The following PPOX variants were observed in gnomAD, a reference collection of about 807,000 sequenced individuals.
The protein encoded by PPOX is protoporphyrinogen oxidase, also known as variegate porphyria.
PPOX carries 23 observed loss-of-function variants against 54.1 expected under a neutral mutation model. The observed-to-expected ratio is 0.43, with a 90% CI of 0.31 to 0.60. PPOX has a LOEUF of 0.60. Among genes scored for constraint, PPOX ranks in the 20% least tolerant of loss-of-function variants. The pLI is 0.13. For missense variants in PPOX, 512 were observed against 601.1 expected (o/e 0.85, Z 1.55); for synonymous variants, 224 against 236.1 (o/e 0.95, Z 0.47).
downstream of PPOX, chr1:161,172,324 G>C (rs772007951): frequency 6.2e-7 from 1 of 1,613,638 alleles, no homozygotes; most frequent in African/African-American, 1.3e-5. Flanking sequence ...ATCCCAGCCA[G>C]GCGCACCCTA....
chr1:161,168,827 TA>T (rs1434867630), intron 6 of PPOX, among the ~76,000 whole-genome samples, 165 bp from the exon 7 acceptor site: 1 of 152,176 alleles, frequency 6.6e-6, no homozygotes, highest in African/African-American at 2.4e-5. Context: ...CACTCCCAGC[TA>T]ATCTTTGTAT....
chr1:161,172,222 C>T (rs766980374), downstream of PPOX: 2 of 1,613,846 alleles, frequency 1.2e-6, no homozygotes, highest in Admixed American at 3.3e-5. Context: ...CTTCCTTCTT[C>T]CTACCTGTGG....
downstream of PPOX, chr1:161,175,944 GC>G: frequency 6.2e-7 from 1 of 1,614,116 alleles, no homozygotes; most frequent in Non-Finnish European, 8.5e-7. Context: ...CCTGATCTCG[GC>G]CAAATAGGGC....
downstream of PPOX, chr1:161,177,977 A>T (rs1664151703): frequency 6.6e-6 from 1 of 152,240 alleles, no homozygotes; most frequent in South Asian, 2.1e-4. Flanking sequence ...GCCTGGAAAT[A>T]AAAAGCGATT....
chr1:161,169,179 G>A lies in PPOX; in HGVS notation c.803G>A (p.Trp268Ter), dbSNP rs1340140983. ...CTCAGCCTCCAGGCAGAAGGGCGCT[G>A]GAAGGTAGGGGAACCCCTGGAGTGT... is the stretch of plus-strand genomic sequence containing the variant. ...CGLSLQAEGR[W>*]KVSLRDSSLE... Residue 268 changes from tryptophan to a stop codon, truncating the protein, a stop_gained, in exon 7 of 13, where the codon TGG becomes TAG. Transcript: ENST00000367999. LOFTEE classifies it high-confidence loss of function. 1.9e-6 allele frequency: 3 copies of A among 1,613,556 alleles called. No individual in the cohort carries two copies. The highest frequency in any genetic ancestry group is 2.5e-6 in the Non-Finnish European group (3 of 1,180,016).
chr1:161,168,308 G>A (rs1036261591), intron 5 of PPOX, 124 bp from the exon 6 acceptor site: 18 of 1,555,954 alleles, frequency 1.2e-5, no homozygotes, highest in Middle Eastern at 1.7e-4. Flanking sequence ...ATTTCCATCC[G>A]TCACAGTGGG....
At chr1:161,177,230 C>A, downstream of PPOX, 1 of 674,910 alleles carries the variant, frequency 1.5e-6, no homozygotes, top group Non-Finnish European at 2.5e-6. Context: ...GGAGCACGCC[C>A]ATCCTATCCC....
At chr1:161,168,280 T>G in intron 5 of PPOX, 152 bp from the exon 6 acceptor site, 1 of 1,549,830 alleles carries the variant, frequency 6.5e-7, no homozygotes, top group Non-Finnish European at 8.9e-7. Flanking sequence ...AAACTCATTA[T>G]TGGGAGTGAA....
chr1:161,169,159 C>T lies in PPOX; in HGVS notation c.783C>T (p.Ser261=). 1 of 1,614,076 alleles carries T rather than the reference C, an allele frequency of 6.2e-7. No homozygotes were observed. The highest frequency in any genetic ancestry group is 1.3e-5 in the African/African-American group (1 of 75,054). Residue 261 remains serine (S), a synonymous_variant, in exon 7 of 13, where the codon AGC becomes AGT. Transcript: ENST00000367999. ...GAGGCCAGCCGGTCTGTGGGCTCAG[C>T]CTCCAGGCAGAAGGGCGCTGGAAGG... is the stretch of plus-strand genomic sequence containing the variant. ...VLRGQPVCGL[S]LQAEGRWKVS... is the part of the protein sequence containing the mutation.
downstream of PPOX, chr1:161,175,846 T>C (rs1183821614): frequency 1.2e-6 from 2 of 1,613,976 alleles, no homozygotes; most frequent in Admixed American, 3.3e-5. Context: ...GGGCAGACCT[T>C]GAGGAGCTGG....
At chr1:161,177,714 G>C (rs1057417215), downstream of PPOX, 1 of 152,716 alleles carries the variant, frequency 6.5e-6, no homozygotes, top group Non-Finnish European at 1.5e-5. Context: ...TTCATTTCCT[G>C]CCCCTCAGAT....
At position 161,170,290 on chromosome 1, in the gene PPOX, A is replaced by C. The variant is rs532987027; in HGVS notation, c.988-119A>C. ...CAGTGAGCTGAGATCTCGCCATTACACTCCAGCCTGGGTGACAGAGTGAGA... is the reference window on the plus strand; with the variant it reads ...CAGTGAGCTGAGATCTCGCCATTACCCTCCAGCCTGGGTGACAGAGTGAGA... On this transcript the variant is annotated intron_variant, in intron 9 of 12. Coordinates refer to ENST00000367999, the MANE Select transcript of PPOX (RefSeq NM_001122764.3). 92 of 937,350 alleles carry C rather than the reference A, an allele frequency of 9.8e-5. 1 individual carries two copies. In the African/African-American group the frequency reaches 1.4e-3, roughly 14 times the overall value. 58.1% of individuals were successfully genotyped at this position (937,350 alleles called of 1,614,324 possible).
exon 5 of PPOX, chr1:161,176,896 G>A (rs746294610): frequency 6.5e-7 from 1 of 1,536,264 alleles, no homozygotes; most frequent in Non-Finnish European, 8.7e-7. Flanking sequence ...GGACCGTGGA[G>A]TGGCCTAAGG....
chr1:161,171,608 A>G, downstream of PPOX: 1 of 654,790 alleles, frequency 1.5e-6, no homozygotes. Context: ...CACAGTCATA[A>G]GCCCTACAGG....
At chr1:161,171,912 G>A, downstream of PPOX, 1 of 1,614,186 alleles carries the variant, frequency 6.2e-7, no homozygotes. Context: ...GGAAGGCTTG[G>A]GAGGAACCAG....
chr1:161,172,891 G>A (rs932833602), downstream of PPOX, among the ~76,000 whole-genome samples: 145 of 150,154 alleles, frequency 9.7e-4, no homozygotes, highest in African/African-American at 3.4e-3. Context: ...AAAAACGAAA[G>A]AAAGAAAAGA....
rs2101836704 is a variant in PPOX, at chr1:161,166,516, A to G, written c.-165A>G. On this transcript the variant is annotated 5_prime_UTR_variant, in exon 1 of 13. Coordinates refer to ENST00000367999, the MANE Select transcript of PPOX (RefSeq NM_001122764.3). The stretch of plus-strand genomic sequence containing the variant: ...CCTACAGAGGTGTGGCAAGCAGAGC[A>G]CCTCAGAACTCAGGCGTACTGCCCG... 1 of 1,339,506 alleles carries G rather than the reference A, an allele frequency of 7.5e-7. No individual in the cohort carries two copies. The highest frequency in any genetic ancestry group is 3.2e-5 in the East Asian group (1 of 31,712). 83.0% of individuals were successfully genotyped at this position (1,339,506 alleles called of 1,614,324 possible).
chr1:161,172,737 A>G (rs552774981), downstream of PPOX, among the ~76,000 whole-genome samples: 7 of 152,260 alleles, frequency 4.6e-5, no homozygotes, highest in Admixed American at 3.9e-4. Context: ...CCATGTTAAG[A>G]AAAAGGTAGG....
Position 161,166,552 on chromosome 1 carries a change from C to T in PPOX, c.-129C>T. On this transcript the variant is annotated 5_prime_UTR_variant, in exon 1 of 13. Coordinates refer to ENST00000367999, the MANE Select transcript of PPOX (RefSeq NM_001122764.3). ...CAGGCGTACTGCCCGCCGCCCGAGC[C>T]CTGCGAGGGCCGATAGCGAGGGTGT... 7.2e-7 allele frequency: 1 copy of T among 1,390,512 alleles called. No homozygotes were observed. 86.1% of individuals were successfully genotyped at this position (1,390,512 alleles called of 1,614,324 possible).
Sources: gnomAD v4.1 joint callset for allele counts (sites outside exome capture counted in the v4.1 genomes callset) on GRCh38, gnomAD v4.1.1 for gene constraint, MANE v1.5 for transcripts, NCBI Gene and HGNC (gene_info 2026-07-23, HGNC 2026-07-21) for gene names.